Variants in RABGEF1 observed in about 807,000 individuals in gnomAD.
The protein encoded by RABGEF1 is RAB guanine nucleotide exchange factor 1, also known as rab5 GDP/GTP exchange factor.
A neutral mutation model predicts 57.3 loss-of-function variants in RABGEF1; 26 were observed. The observed-to-expected ratio is 0.45, with a 90% CI of 0.33 to 0.63. The LOEUF (loss-of-function observed/expected upper bound fraction) is 0.63. Ranked by LOEUF, RABGEF1 falls within the 20% of genes least tolerant of loss-of-function variation. The pLI, the probability that RABGEF1 is intolerant of heterozygous loss-of-function variation, is 0.02. For synonymous variants in RABGEF1, 185 were observed against 210.7 expected, an observed-to-expected ratio of 0.88 and a Z score of 1.06; for missense variants, 464 against 607.6, an observed-to-expected ratio of 0.76 and a Z score of 2.48.
intron 2 of RABGEF1, among the ~76,000 whole-genome samples, chr7:66,725,875 C>T (rs1796526870): frequency 6.6e-6 from 1 of 152,220 alleles, no homozygotes; most frequent in Admixed American, 6.5e-5. Flanking sequence ...GGGACGTGGA[C>T]CCTTCCATGT....
intron 1 of RABGEF1, among the ~76,000 whole-genome samples, chr7:66,695,963 CAA>C (rs72236148): frequency 3.7e-4 from 53 of 142,466 alleles, no homozygotes; most frequent in South Asian, 6.6e-4. Flanking sequence ...GAGACTGTCT[CAA>C]AAAAAAAAAA....
chr7:66,706,105 T>C (rs996645761), intron 1 of RABGEF1, among the ~76,000 whole-genome samples: 3 of 150,838 alleles, frequency 2.0e-5, no homozygotes, highest in African/African-American at 7.3e-5. Flanking sequence ...GGTTTCACCT[T>C]GTTAGCCAGG....
chr7:66,701,685 T>A (rs1022853721), intron 1 of RABGEF1, among the ~76,000 whole-genome samples: 2 of 151,932 alleles, frequency 1.3e-5, no homozygotes, highest in Non-Finnish European at 2.9e-5. Flanking sequence ...ATTTTTGTAT[T>A]TTTAGTAAAT....
chr7:66,753,985 A>T (rs1222513866), intron 1 of RABGEF1, among the ~76,000 whole-genome samples: 1 of 141,478 alleles, frequency 7.1e-6, no homozygotes, highest in Non-Finnish European at 1.5e-5. Flanking sequence ...GATTACAGGC[A>T]TGAGCCAACG....
At chr7:66,683,520 G>A (rs6460312) in intron 1 of RABGEF1, among the ~76,000 whole-genome samples, 136,478 of 152,162 alleles carry the variant, frequency 0.9, 61,390 homozygotes, top group African/African-American at 0.94. Context: ...GATACTTTCA[G>A]AACAGTGTGG....
chr7:66,687,113 CTTTTTTTT>C (rs71526570), intron 1 of RABGEF1, among the ~76,000 whole-genome samples: 2 of 103,640 alleles, frequency 1.9e-5, no homozygotes, highest in East Asian at 6.3e-4. Context: ...CCACGCCCGG[CTTTTTTTT>C]TTTTTTTTTT....
chr7:66,756,922 G>A (rs1802863907), intron 1 of RABGEF1, among the ~76,000 whole-genome samples: 1 of 152,126 alleles, frequency 6.6e-6, no homozygotes, highest in Admixed American at 6.5e-5. Flanking sequence ...TTTTGAGTCA[G>A]TGTATCCTGT....
chr7:66,704,707 A>G (rs1793751064), intron 1 of RABGEF1, among the ~76,000 whole-genome samples: 2 of 152,012 alleles, frequency 1.3e-5, no homozygotes, highest in East Asian at 3.9e-4. Context: ...TCTACTCAGG[A>G]GGCTGAAGCA....
intron 1 of RABGEF1, among the ~76,000 whole-genome samples, chr7:66,762,802 TG>T (rs1804768592): frequency 6.6e-6 from 1 of 151,950 alleles, no homozygotes; most frequent in Non-Finnish European, 1.5e-5. Context: ...TTGGGTAGGC[TG>T]GGGTAGGTAG....
intron 1 of RABGEF1, among the ~76,000 whole-genome samples, chr7:66,760,471 T>C (rs1804023139): frequency 6.9e-6 from 1 of 145,078 alleles, no homozygotes; most frequent in Admixed American, 7.1e-5. Context: ...GGAGACAGAG[T>C]CTCGCTCTAT....
intron 1 of RABGEF1, among the ~76,000 whole-genome samples, chr7:66,687,508 AAAG>A (rs1790864811): frequency 6.6e-6 from 1 of 151,834 alleles, no homozygotes; most frequent in East Asian, 1.9e-4. Flanking sequence ...AAGAAAGAAA[AAAG>A]AAAAGAAGAA....
chr7:66,698,431 C>T (rs141321419), intron 1 of RABGEF1, among the ~76,000 whole-genome samples: 25 of 152,344 alleles, frequency 1.6e-4, no homozygotes, highest in African/African-American at 5.5e-4. Flanking sequence ...GCAAGGTCCC[C>T]ACCCACCATG....
intron 1 of RABGEF1, among the ~76,000 whole-genome samples, chr7:66,692,062 AAAAC>A (rs139406196): frequency 0.21 from 31,856 of 150,968 alleles, 3,853 homozygotes; most frequent in East Asian, 0.31. Context: ...GTTTTCTTAA[AAAAC>A]AAACAAACAA....
At chr7:66,767,691 A>G (rs1431777472) in intron 1 of RABGEF1, among the ~76,000 whole-genome samples, 1 of 152,174 alleles carries the variant, frequency 6.6e-6, no homozygotes, top group Non-Finnish European at 1.5e-5. Context: ...GACTGCAGAG[A>G]GCCTAGCCTG....
intron 1 of RABGEF1, among the ~76,000 whole-genome samples, chr7:66,760,821 G>A (rs1229570765): frequency 1.3e-5 from 2 of 152,070 alleles, no homozygotes; most frequent in African/African-American, 2.4e-5. Flanking sequence ...TAGAGACAGA[G>A]TCTTGCTGTG....
chr7:66,782,899 A>G (rs1248842672), intron 3 of RABGEF1, among the ~76,000 whole-genome samples: 1 of 152,194 alleles, frequency 6.6e-6, no homozygotes, highest in Admixed American at 6.5e-5. Flanking sequence ...CAAAATCAGG[A>G]GGCTTAGAAT....
intron 1 of RABGEF1, among the ~76,000 whole-genome samples, chr7:66,754,999 A>C (rs1314210390): frequency 6.6e-6 from 1 of 152,056 alleles, no homozygotes; most frequent in African/African-American, 2.4e-5. Context: ...ATATAGCTAG[A>C]TCCTGTCTCT....
At position 66,805,204 on chromosome 7, in the gene RABGEF1, C is replaced by G; in HGVS notation, c.885C>G (p.Ser295Arg). 6.2e-7 allele frequency: 1 copy of G among 1,613,952 alleles called. No individual in the cohort carries two copies. Among genetic ancestry groups the G allele is most frequent in the Non-Finnish European group, 8.5e-7 (1 of 1,179,836 alleles). ...AGCTGGCCTGCATCACCAAGTGCAGCAAGCACATCTTCAATGCCATCAAGA... is the reference window on the plus strand; with the variant it reads ...AGCTGGCCTGCATCACCAAGTGCAGGAAGCACATCTTCAATGCCATCAAGA... ...RDKLACITKC[S>R]KHIFNAIKIT... The change falls in exon 8 of 9, where the codon AGC (serine) becomes AGG (arginine). Residue 295 changes from serine to arginine, a missense_variant. Ser to Arg is a moderately radical substitution (Grantham distance 110). Transcript: ENST00000284957.
Position 66,718,703 on chromosome 7 carries a change from A to G in RABGEF1, c.-815+6479A>G, listed in dbSNP as rs570692145. Reference sequence around the variant, plus strand: ...GATATGTCCTGAGTATGTACCACGCAGTGGCCAGCCTGGAACCTGGGGAGT... The same window carrying G: ...GATATGTCCTGAGTATGTACCACGCGGTGGCCAGCCTGGAACCTGGGGAGT... On this transcript the variant is annotated intron_variant and NMD_transcript_variant, in intron 2 of 9. Transcript: ENST00000607882. Among the ~76,000 whole-genome samples, 16 of 152,338 alleles carry G rather than the reference A, an allele frequency of 1.1e-4. No individual in the cohort carries two copies. The East Asian group carries it at 2.1e-3, about 20-fold the overall frequency.
Sources: gnomAD v4.1 joint callset for allele counts (sites outside exome capture counted in the v4.1 genomes callset) on GRCh38, gnomAD v4.1.1 for gene constraint, MANE v1.5 for transcripts, NCBI Gene and HGNC (gene_info 2026-07-23, HGNC 2026-07-21) for gene names.